ZBTB20: variants seen among roughly 807,000 people sequenced by gnomAD.
The protein encoded by ZBTB20 is zinc finger and BTB domain-containing protein 20.
Under a neutral mutation model 56.9 loss-of-function variants are expected in ZBTB20, and 9 were observed. The ratio of observed to expected loss-of-function variants is 0.16; its 90% confidence interval spans 0.10 to 0.28. The LOEUF (loss-of-function observed/expected upper bound fraction) is 0.28. Ranked by LOEUF, ZBTB20 falls within the 10% of genes least tolerant of loss-of-function variation. ZBTB20 has a pLI of 1.00. For missense variants in ZBTB20, 655 were observed against 1,003.0 expected (o/e 0.65, Z 4.69); for synonymous variants, 417 against 420.7 (o/e 0.99, Z 0.11).
intron 6 of ZBTB20, among the ~76,000 whole-genome samples, chr3:114,551,013 AGTGCTGGAAT>A (rs1385560502): frequency 1.3e-5 from 2 of 152,198 alleles, no homozygotes; most frequent in African/African-American, 4.8e-5. Flanking sequence ...AGCCTCCCAA[AGTGCTGGAAT>A]TATACACATA....
At chr3:114,417,963 G>A (rs548753017) in intron 7 of ZBTB20, among the ~76,000 whole-genome samples, 6 of 152,074 alleles carry the variant, frequency 3.9e-5, no homozygotes, top group East Asian at 3.9e-4. Flanking sequence ...CCAAAAAGTC[G>A]ATGATAGAAA....
At chr3:114,990,271 C>T (rs1370677245) in intron 2 of ZBTB20, among the ~76,000 whole-genome samples, 14 of 152,098 alleles carry the variant, frequency 9.2e-5, no homozygotes, top group Admixed American at 6.6e-4. Flanking sequence ...TTTTGAGATA[C>T]ATCCCATCAA....
At chr3:114,826,941 T>C (rs1235969311) in intron 4 of ZBTB20, among the ~76,000 whole-genome samples, 1 of 151,672 alleles carries the variant, frequency 6.6e-6, no homozygotes, top group Non-Finnish European at 1.5e-5. Flanking sequence ...GGTATGTATG[T>C]TGTAGCCCTG....
chr3:114,393,778 T>C (rs770333297), intron 7 of ZBTB20, among the ~76,000 whole-genome samples: 6 of 152,230 alleles, frequency 3.9e-5, no homozygotes, highest in Non-Finnish European at 8.8e-5. Flanking sequence ...TTGTCTCTGC[T>C]TCTTACATCA....
intron 6 of ZBTB20, among the ~76,000 whole-genome samples, chr3:114,501,302 A>G (rs1298271054): frequency 4.6e-5 from 7 of 152,188 alleles, no homozygotes; most frequent in African/African-American, 1.7e-4. Flanking sequence ...TTCTTGTTCT[A>G]TGTTTAAAAT....
chr3:114,525,418 C>T (rs1450494357), intron 6 of ZBTB20, among the ~76,000 whole-genome samples: 4 of 152,106 alleles, frequency 2.6e-5, no homozygotes, highest in African/African-American at 9.7e-5. Context: ...CACTACTCCC[C>T]CAAAACACCA....
intron 4 of ZBTB20, among the ~76,000 whole-genome samples, chr3:114,854,440 T>G (rs1399633329): frequency 6.6e-6 from 1 of 152,186 alleles, no homozygotes; most frequent in Non-Finnish European, 1.5e-5. Context: ...TGAGTCTGCC[T>G]CTAGAAAAAA....
chr3:114,895,723 A>G (rs2074849046), intron 4 of ZBTB20, among the ~76,000 whole-genome samples: 1 of 152,134 alleles, frequency 6.6e-6, no homozygotes. Flanking sequence ...ATACACAGAG[A>G]CTACTATGCA....
chr3:114,735,046 G>C (rs142097861), intron 5 of ZBTB20, among the ~76,000 whole-genome samples: 2 of 151,058 alleles, frequency 1.3e-5, no homozygotes, highest in African/African-American at 4.9e-5. Flanking sequence ...TCCCATCAGC[G>C]TTATGACACC....
chr3:114,380,606 T>A (rs893829133), intron 9 of ZBTB20, among the ~76,000 whole-genome samples, 171 bp downstream of exon 9: 16 of 152,012 alleles, frequency 1.1e-4, no homozygotes, highest in Non-Finnish European at 2.9e-5. Context: ...TGAAAGCATA[T>A]GGGCCAAGCA....
chr3:114,433,726 T>TG (rs559830157), intron 7 of ZBTB20, among the ~76,000 whole-genome samples: 49 of 152,304 alleles, frequency 3.2e-4, no homozygotes, highest in Non-Finnish European at 5.0e-4. Flanking sequence ...CATATAAACA[T>TG]GCTCTAGTAT....
chr3:114,543,474 A>G lies in ZBTB20; in HGVS notation c.-294-43083T>C, dbSNP rs190803151. Among the ~76,000 whole-genome samples the G allele has an allele frequency of 1.9e-3, 286 of 152,314 alleles. 2 individuals are homozygous for G. Among genetic ancestry groups the G allele is most frequent in the African/African-American group, 6.5e-3 (271 of 41,572 alleles). ...ATTATCACTTAGAGTTATCAGGACT[A>G]TATCAACTGATTCAAGCCTTAGCCC... On this transcript the variant is annotated intron_variant, in intron 6 of 11. Transcript: ENST00000675478.
intron 6 of ZBTB20, among the ~76,000 whole-genome samples, chr3:114,622,456 T>C (rs2058384203): frequency 6.6e-6 from 1 of 152,206 alleles, no homozygotes; most frequent in South Asian, 2.1e-4. Context: ...CTAATAAAAC[T>C]CTGAGACTAT....
chr3:114,905,931 A>G (rs955196201), intron 3 of ZBTB20, among the ~76,000 whole-genome samples: 1 of 151,846 alleles, frequency 6.6e-6, no homozygotes, highest in Non-Finnish European at 1.5e-5. Flanking sequence ...TGTGGTTCTT[A>G]TACTTTCTCT....
intron 5 of ZBTB20, among the ~76,000 whole-genome samples, chr3:114,701,948 G>C (rs1226230731): frequency 6.6e-6 from 1 of 152,150 alleles, no homozygotes; most frequent in African/African-American, 2.4e-5. Flanking sequence ...CAATCTCCTA[G>C]AAACCTTTAA....
intron 5 of ZBTB20, among the ~76,000 whole-genome samples, chr3:114,780,186 T>C (rs540614625): frequency 4.3e-4 from 65 of 152,216 alleles, no homozygotes; most frequent in Non-Finnish European, 8.4e-4. Context: ...AACATGTAGA[T>C]CATGGAGTCT....
intron 11 of ZBTB20, among the ~76,000 whole-genome samples, chr3:114,342,923 CACAG>C (rs2079898303): frequency 6.6e-6 from 1 of 152,136 alleles, no homozygotes; most frequent in African/African-American, 2.4e-5. Flanking sequence ...CAGCACAGAG[CACAG>C]ACAGAGGATT....
intron 4 of ZBTB20, among the ~76,000 whole-genome samples, chr3:114,883,843 T>C (rs958662954): frequency 3.3e-5 from 5 of 150,758 alleles, no homozygotes; most frequent in African/African-American, 4.9e-5. Flanking sequence ...CTGGGTTCCA[T>C]TGTGATAAGG....
At chr3:114,613,828 A>G (rs2057731008) in intron 6 of ZBTB20, among the ~76,000 whole-genome samples, 1 of 152,168 alleles carries the variant, frequency 6.6e-6, no homozygotes, top group African/African-American at 2.4e-5. Context: ...CTATAGCATA[A>G]GAGTGAGTGA....
Sources: gnomAD v4.1 joint callset for allele counts (sites outside exome capture counted in the v4.1 genomes callset) on GRCh38, gnomAD v4.1.1 for gene constraint, MANE v1.5 for transcripts, NCBI Gene and HGNC (gene_info 2026-07-23, HGNC 2026-07-21) for gene names.